Variants in CCAR1 observed in about 807,000 individuals in gnomAD.
CCAR1 encodes the protein cell division cycle and apoptosis regulator 1, also known as cell division cycle and apoptosis regulator protein 1.
CCAR1 carries 78 observed loss-of-function variants against 163.8 expected under a neutral mutation model. That is an observed-to-expected ratio of 0.48 (90% CI 0.40 to 0.57). CCAR1 has a LOEUF of 0.57. Among genes scored for constraint, CCAR1 ranks in the 20% least tolerant of loss-of-function variants. The pLI is 0.00. For missense variants in CCAR1, 1,019 were observed against 1,365.2 expected (o/e 0.75, Z 4.00); for synonymous variants, 443 against 460.7 (o/e 0.96, Z 0.49).
At chr10:68,767,980 A>G (rs1033587652) in intron 17 of CCAR1, among the ~76,000 whole-genome samples, 2 of 152,266 alleles carry the variant, frequency 1.3e-5, no homozygotes, top group African/African-American at 2.4e-5. Flanking sequence ...GTACAAAATC[A>G]TATCTAAAAT....
chr10:68,778,314 A>G (rs1463815716), intron 19 of CCAR1, among the ~76,000 whole-genome samples: 1 of 152,206 alleles, frequency 6.6e-6, no homozygotes, highest in East Asian at 1.9e-4. Flanking sequence ...TCTTGAGAAG[A>G]GTGGACCCCT....
intron 2 of CCAR1, among the ~76,000 whole-genome samples, chr10:68,730,933 T>C (rs943346965): frequency 6.6e-6 from 1 of 152,178 alleles, no homozygotes; most frequent in African/African-American, 2.4e-5. Context: ...GCTCAAGCAG[T>C]CAGCTCACCG....
intron 15 of CCAR1, among the ~76,000 whole-genome samples, chr10:68,759,884 G>A (rs1273143560): frequency 6.6e-6 from 1 of 152,158 alleles, no homozygotes; most frequent in Non-Finnish European, 1.5e-5. Context: ...TAAAGGGACA[G>A]AGTGCAGTGG....
intron 23 of CCAR1, 113 bp downstream of exon 23, chr10:68,788,441 C>A: frequency 1.7e-6 from 1 of 590,764 alleles, no homozygotes; most frequent in Non-Finnish European, 2.6e-6. Flanking sequence ...CATATGCATA[C>A]CAGATATTTT....
At chr10:68,741,181 G>A (rs2056179719) in intron 5 of CCAR1, among the ~76,000 whole-genome samples, 1 of 151,990 alleles carries the variant, frequency 6.6e-6, no homozygotes, top group Non-Finnish European at 1.5e-5. Flanking sequence ...GCCTCCCAAA[G>A]TGCTGGGATT....
Position 68,789,695 on chromosome 10 carries a change from G to A in CCAR1, c.3188-15G>A, listed in dbSNP as rs775823944. ...TTAGGAAGTAAAATGTTAATTTTTG[G>A]ATTTTTTTAAACAGATGAAGATGAA... On this transcript the variant is annotated splice_polypyrimidine_tract_variant and intron_variant, in intron 23 of 24. Transcript: ENST00000265872. The A allele has an allele frequency of 2.0e-5, 30 of 1,469,900 alleles. No individual in the cohort carries two copies. Among genetic ancestry groups the A allele is most frequent in the Non-Finnish European group, 2.6e-5 (28 of 1,088,906 alleles). 91.1% of individuals were successfully genotyped at this position (1,469,900 alleles called of 1,614,324 possible). A position where few individuals can be genotyped will look rare whatever the true frequency, so the allele number is the denominator to read the frequency against.
intron 17 of CCAR1, among the ~76,000 whole-genome samples, chr10:68,768,163 T>C (rs2056558134): frequency 6.6e-6 from 1 of 152,210 alleles, no homozygotes; most frequent in Non-Finnish European, 1.5e-5. Flanking sequence ...GAGGCAATTA[T>C]GAAACATAAA....
At chr10:68,772,300 T>C (rs2056613577) in intron 18 of CCAR1, among the ~76,000 whole-genome samples, 1 of 151,988 alleles carries the variant, frequency 6.6e-6, no homozygotes, top group South Asian at 2.1e-4. Flanking sequence ...CTGGACAACA[T>C]GGTGAAACCC....
chr10:68,726,444 C>T (rs1355920742), intron 2 of CCAR1, among the ~76,000 whole-genome samples: 1 of 152,108 alleles, frequency 6.6e-6, no homozygotes, highest in Non-Finnish European at 1.5e-5. Flanking sequence ...AGCCACTGCG[C>T]CTGGCTCTTG....
chr10:68,741,339 T>C (rs1241663673), intron 5 of CCAR1, among the ~76,000 whole-genome samples: 3 of 152,234 alleles, frequency 2.0e-5, no homozygotes, highest in Non-Finnish European at 1.5e-5. Context: ...TGTGACATTA[T>C]CTGCTTAATT....
chr10:68,762,639 A>G (rs912914427), intron 16 of CCAR1, among the ~76,000 whole-genome samples: 2 of 152,246 alleles, frequency 1.3e-5, no homozygotes, highest in Admixed American at 6.5e-5. Context: ...AATCTTATAC[A>G]TTGTAAAGTA....
At chr10:68,722,384 TC>T in intron 1 of CCAR1, 70 bp from the exon 2 acceptor site, 3 of 806,838 alleles carry the variant, frequency 3.7e-6, no homozygotes, top group Non-Finnish European at 6.6e-6. Flanking sequence ...AACATTTCTT[TC>T]TATTGTAATA....
chr10:68,740,909 T>C (rs1275289345), intron 5 of CCAR1, among the ~76,000 whole-genome samples: 1 of 150,362 alleles, frequency 6.7e-6, no homozygotes, highest in Non-Finnish European at 1.5e-5. Flanking sequence ...ATTTATTTAT[T>C]TATTTATTTA....
At chr10:68,782,495 T>C (rs2056748332) in intron 19 of CCAR1, among the ~76,000 whole-genome samples, 2 of 152,044 alleles carry the variant, frequency 1.3e-5, no homozygotes, top group South Asian at 4.1e-4. Context: ...ATGGCTATGC[T>C]AAGTAAATTT....
chr10:68,754,165 T>G (rs2056370985), intron 11 of CCAR1, 88 bp downstream of exon 11: 4 of 916,002 alleles, frequency 4.4e-6, no homozygotes, highest in South Asian at 1.7e-5. Context: ...CAGAAAGTGT[T>G]TGTTAGGTAG....
rs1184713207 is a variant in CCAR1 at position 68,786,661 on chromosome 10, A to G, written c.2849A>G (p.Tyr950Cys). 1 of 1,602,372 alleles carries G rather than the reference A, an allele frequency of 6.2e-7. No homozygotes were observed. Among genetic ancestry groups the G allele is most frequent in the Non-Finnish European group, 8.5e-7 (1 of 1,176,108 alleles). ...LLEKDLEEIL[Y>C]TLGLHLSRAQ... ...GAAAAGGATTTGGAAGAAATACTTT[A>G]TACTCTTGGACTACATCTTTCTCGG... Residue 950 changes from tyrosine to cysteine, a missense_variant, in exon 21 of 25, where the codon TAT (tyrosine) becomes TGT (cysteine). Coordinates refer to ENST00000265872, the MANE Select transcript of CCAR1 (RefSeq NM_018237.4).
intron 1 of CCAR1, chr10:68,721,784 C>G (rs1205264686): frequency 3.4e-6 from 1 of 292,602 alleles, no homozygotes; most frequent in Non-Finnish European, 6.8e-6. Context: ...GACGGCCGAG[C>G]TCTGGCCCTT....
At chr10:68,782,042 T>C (rs966522669) in intron 19 of CCAR1, among the ~76,000 whole-genome samples, 1 of 152,146 alleles carries the variant, frequency 6.6e-6, no homozygotes, top group African/African-American at 2.4e-5. Context: ...CTCAAAGTGC[T>C]ACTCCAGTGA....
intron 5 of CCAR1, 87 bp from the exon 6 acceptor site, chr10:68,742,289 C>A: frequency 1.0e-6 from 1 of 957,012 alleles, no homozygotes; most frequent in South Asian, 1.9e-5. Context: ...AAATTTTTAA[C>A]ATTCTGGGTT....
Sources: gnomAD v4.1 joint callset for allele counts (sites outside exome capture counted in the v4.1 genomes callset) on GRCh38, gnomAD v4.1.1 for gene constraint, MANE v1.5 for transcripts, NCBI Gene and HGNC (gene_info 2026-07-23, HGNC 2026-07-21) for gene names.